Variants in SVIP observed in about 807,000 individuals in gnomAD.
SVIP encodes the protein small VCP interacting protein.
In SVIP, 14 loss-of-function variants were observed where a neutral mutation model predicts 12.9. The observed-to-expected ratio is 1.08, with a 90% confidence interval of 0.72 to 1.70. The LOEUF (loss-of-function observed/expected upper bound fraction) is 1.70, where lower values mean the gene tolerates loss of function less well. Among genes scored for constraint, SVIP ranks in the 40% most tolerant of loss-of-function variants. SVIP has a pLI of 0.00. For synonymous variants in SVIP, 35 were observed against 33.3 expected, an observed-to-expected ratio of 1.05 and a Z score of -0.17; for missense variants, 93 against 90.8, an observed-to-expected ratio of 1.02 and a Z score of -0.10.
Position 22,827,831 on chromosome 11 carries a change from T to C in SVIP, c.98A>G (p.Gln33Arg), listed in dbSNP as rs1002877886. The C allele has an allele frequency of 2.3e-5, 37 of 1,581,960 alleles. No individual in the cohort carries two copies. In the Admixed American group the frequency reaches 5.6e-4, roughly 24 times the overall value. ...CTTGATCTTTAATCTTACCTCTTTT[T>C]GTCTTCTCTCTGCAGCCTCTGCAAG... ...AKLAEAAERR[Q>R]KEAASRGILD... Residue 33 changes from glutamine (Q) to arginine (R), a missense_variant, in exon 2 of 4, where the codon CAA (glutamine) becomes CGA (arginine). Physicochemically the swap from Gln to Arg is conservative, Grantham distance 43. Transcript: ENST00000354193.
Position 22,827,811 on chromosome 11 carries a change from T to C in SVIP, c.105+13A>G. ...AATTATCTAAGTAGGCAAAACTTGATCTTTAATCTTACCTCTTTTTGTCTT... is the reference window on the plus strand; with the variant it reads ...AATTATCTAAGTAGGCAAAACTTGACCTTTAATCTTACCTCTTTTTGTCTT... On this transcript the variant is annotated intron_variant, in intron 2 of 3. Transcript: ENST00000354193. 6.3e-7 allele frequency: 1 copy of C among 1,575,402 alleles called. No individual in the cohort carries two copies. Among genetic ancestry groups the C allele is most frequent in the Non-Finnish European group, 8.6e-7 (1 of 1,161,760 alleles).
chr11:22,829,199 A>G (rs1247053850), intron 1 of SVIP: 1 of 152,948 alleles, frequency 6.5e-6, no homozygotes, highest in African/African-American at 2.4e-5. Context: ...TACTAAAAAG[A>G]AATCATTAAA....
At chr11:22,828,834 T>C (rs1857828881) in intron 1 of SVIP, among the ~76,000 whole-genome samples, 1 of 152,194 alleles carries the variant, frequency 6.6e-6, no homozygotes, top group African/African-American at 2.4e-5. Flanking sequence ...TTCCCAAAAA[T>C]ACTTCATTTT....
At chr11:22,823,155 C>A (rs1454491598) in intron 3 of SVIP, 22 bp from the exon 4 acceptor site, 2 of 1,568,506 alleles carry the variant, frequency 1.3e-6, no homozygotes, top group Non-Finnish European at 8.7e-7. Flanking sequence ...AAAAAAGAGA[C>A]AGAAAAGTAA....
chr11:22,829,636 A>G, intron 1 of SVIP, 59 bp downstream of exon 1: 1 of 1,509,512 alleles, frequency 6.6e-7, no homozygotes, highest in Non-Finnish European at 9.0e-7. Flanking sequence ...CCCGCCCCGC[A>G]ACCCGAGGAC....
rs145747681 is a variant in SVIP, at chr11:22,826,569, C to A, written c.219+638G>T. Among the ~76,000 whole-genome samples the A allele has an allele frequency of 5.3e-3, 803 of 152,136 alleles. 12 individuals are homozygous for A. Among genetic ancestry groups the A allele is most frequent in the East Asian group, 0.038 (198 of 5,188 alleles). ...CTTTAAGGGATTTTAAAAATAAATC[C>A]TTTAAAGTCCTGCTAGAGTGTAAAG... On this transcript the variant is annotated intron_variant, in intron 3 of 3. Transcript: ENST00000354193.
rs968844565 is a variant in SVIP, at chr11:22,829,649, G to C, written c.54+46C>G. 4.5e-6 allele frequency: 7 copies of C among 1,544,876 alleles called. No homozygotes were observed. In the African/African-American group the frequency reaches 9.6e-5, roughly 21 times the overall value. ...GGCCCGCCCCGCAACCCGAGGACAG[G>C]TGCTCAAGGCGCGGCCCGGCGGACG... On this transcript the variant is annotated intron_variant, in intron 1 of 3. Coordinates refer to ENST00000354193, the MANE Select transcript of SVIP (RefSeq NM_148893.3).
chr11:22,823,947 C>T (rs1472798992), intron 3 of SVIP, among the ~76,000 whole-genome samples: 2 of 152,114 alleles, frequency 1.3e-5, no homozygotes, highest in African/African-American at 4.8e-5. Flanking sequence ...GGTCTCTTAA[C>T]TCCTGACCTC....
rs541859294 is a variant in SVIP at position 22,822,981 on chromosome 11, G to A, written c.*138C>T. 1.5e-6 allele frequency: 1 copy of A among 651,404 alleles called. No homozygotes were observed. Among genetic ancestry groups the A allele is most frequent in the African/African-American group, 1.9e-5 (1 of 53,096 alleles). 40.4% of individuals were successfully genotyped at this position (651,404 alleles called of 1,614,324 possible). ...AAGCTTGAAAATCAACGTTTTTTTA[G>A]CATTGCACTTAAGGGCAATAATATT... On this transcript the variant is annotated 3_prime_UTR_variant, in exon 4 of 4. Transcript: ENST00000354193.
rs753901428 is a variant in SVIP at position 22,827,301 on chromosome 11, A to C, written c.125T>G (p.Leu42Ter). 8.8e-6 allele frequency: 14 copies of C among 1,598,434 alleles called. No homozygotes were observed. Among genetic ancestry groups the C allele is most frequent in the Non-Finnish European group, 1.2e-5 (14 of 1,174,918 alleles). The change falls in exon 3 of 4, where the codon TTA becomes TGA. Residue 42 changes from leucine to a stop codon, truncating the protein, a stop_gained. Transcript: ENST00000354193. LOFTEE classifies it high-confidence loss of function. ...RQKEAASRGI[L>*]DVQSVQEKRK... ...CTTTTCTTGCACAGATTGAACATCTAAAATTCCCCGAGATGCAGCCTTGAA... is the reference window on the plus strand; with the variant it reads ...CTTTTCTTGCACAGATTGAACATCTCAAATTCCCCGAGATGCAGCCTTGAA...
At chr11:22,826,369 T>C (rs191241406) in intron 3 of SVIP, among the ~76,000 whole-genome samples, 69 of 76,942 alleles carry the variant, frequency 9.0e-4, no homozygotes, top group Admixed American at 2.4e-3. Context: ...TGTGTGTGTG[T>C]AGTTTTGAGA....
rs1481370028 is a variant in SVIP at position 22,820,474 on chromosome 11, T to C, written c.*2645A>G. ...GATTGTATGAACACACCAAACAACC[T>C]TTGGTTCTGTTGCTCTTCTGAATCC... On this transcript the variant is annotated 3_prime_UTR_variant, in exon 4 of 4. Transcript: ENST00000354193. The C allele has an allele frequency of 6.6e-6, 1 of 152,180 alleles. No homozygotes were observed. The highest frequency in any genetic ancestry group is 1.9e-4 in the East Asian group (1 of 5,194). 9.4% of individuals were successfully genotyped at this position (152,180 alleles called of 1,614,324 possible).
In SVIP at chr11:22,819,110, C is replaced by A. The variant is rs1044217633; in HGVS notation, c.*4009G>T. 26 of 152,164 alleles carry A rather than the reference C, an allele frequency of 1.7e-4. No individual in the cohort carries two copies. The highest frequency in any genetic ancestry group is 3.5e-4 in the Non-Finnish European group (24 of 68,026). The allele number at this position is 152,164 out of a possible 1,614,324, so 9.4% of individuals were successfully genotyped here. On this transcript the variant is annotated 3_prime_UTR_variant, in exon 4 of 4. Coordinates refer to ENST00000354193, the MANE Select transcript of SVIP (RefSeq NM_148893.3). ...ATATACTTTTCATTCTGCAAGATTACTAAAGTCATTTATTAGTTCCAGAAG... is the reference window on the plus strand; with the variant it reads ...ATATACTTTTCATTCTGCAAGATTAATAAAGTCATTTATTAGTTCCAGAAG...
chr11:22,824,421 T>C (rs1857597855), intron 3 of SVIP, among the ~76,000 whole-genome samples: 1 of 49,088 alleles, frequency 2.0e-5, no homozygotes, highest in South Asian at 5.3e-4. Context: ...TATTGGGTGT[T>C]TTATATATAT....
At chr11:22,829,577 G>A (rs1343231837) in intron 1 of SVIP, 118 bp downstream of exon 1, 1 of 1,066,852 alleles carries the variant, frequency 9.4e-7, no homozygotes, top group Non-Finnish European at 1.4e-6. Context: ...CTCGCTAGCA[G>A]GGTCCCCCAG....
At position 22,819,147 on chromosome 11, in the gene SVIP, C is replaced by A. The variant is rs1000086772; in HGVS notation, c.*3972G>T. ...ATTAGTTCCAGAAGTTTTTGTGGAACCTCTGAGAATTTTCTACCTGAGACA... is the reference window on the plus strand; with the variant it reads ...ATTAGTTCCAGAAGTTTTTGTGGAAACTCTGAGAATTTTCTACCTGAGACA... On this transcript the variant is annotated 3_prime_UTR_variant, in exon 4 of 4. Transcript: ENST00000354193. 2.0e-5 allele frequency: 3 copies of A among 152,128 alleles called. No homozygotes were observed. The highest frequency in any genetic ancestry group is 4.8e-5 in the African/African-American group (2 of 41,420). 9.4% of individuals were successfully genotyped at this position (152,128 alleles called of 1,614,324 possible).
intron 1 of SVIP, 184 bp downstream of exon 1, chr11:22,829,511 G>A (rs1857868882): frequency 1.9e-6 from 1 of 531,534 alleles, no homozygotes; most frequent in East Asian, 3.4e-5. Context: ...ACACGGAGGC[G>A]ACGGCCTAGG....
chr11:22,827,983 G>A, intron 1 of SVIP, 109 bp from the exon 2 acceptor site: 1 of 753,846 alleles, frequency 1.3e-6, no homozygotes. Flanking sequence ...ATTCGGTACT[G>A]GCCCTAAATG....
At chr11:22,826,837 TATATAA>T (rs1857724960) in intron 3 of SVIP, among the ~76,000 whole-genome samples, 3 of 152,296 alleles carry the variant, frequency 2.0e-5, no homozygotes, top group South Asian at 2.1e-4. Flanking sequence ...TTTAATAAGA[TATATAA>T]ATGAAGGTTA....
Sources: gnomAD v4.1 joint callset for allele counts (sites outside exome capture counted in the v4.1 genomes callset) on GRCh38, gnomAD v4.1.1 for gene constraint, MANE v1.5 for transcripts, NCBI Gene and HGNC (gene_info 2026-07-23, HGNC 2026-07-21) for gene names.